The following ZNF438 variants were observed in gnomAD, a reference collection of about 807,000 sequenced individuals.
ZNF438 encodes the protein zinc finger protein 438.
ZNF438 carries 25 observed loss-of-function variants against 38.0 expected under a neutral mutation model. That is an observed-to-expected ratio of 0.66 (90% CI 0.48 to 0.92). The LOEUF is 0.92. Ranked by LOEUF, ZNF438 falls within the 40% of genes least tolerant of loss-of-function variation. ZNF438 has a pLI of 0.00. For synonymous variants in ZNF438, 372 were observed against 364.1 expected, an observed-to-expected ratio of 1.02 and a Z score of -0.25; for missense variants, 1,007 against 999.6, an observed-to-expected ratio of 1.01 and a Z score of -0.10.
At chr10:30,909,963 G>A (rs2042920131) in intron 2 of ZNF438, among the ~76,000 whole-genome samples, 1 of 152,176 alleles carries the variant, frequency 6.6e-6, no homozygotes, top group African/African-American at 2.4e-5. Context: ...CCAACGTAAA[G>A]GTCATGGCAG....
chr10:30,939,170 C>T (rs1181748901), intron 2 of ZNF438, among the ~76,000 whole-genome samples: 2 of 152,200 alleles, frequency 1.3e-5, no homozygotes, highest in African/African-American at 4.8e-5. Flanking sequence ...ATAAAGTAGA[C>T]ACTCATGTGC....
intron 4 of ZNF438, among the ~76,000 whole-genome samples, chr10:30,866,802 C>A (rs1050981304): frequency 6.6e-6 from 1 of 150,830 alleles, no homozygotes; most frequent in Non-Finnish European, 1.5e-5. Context: ...CCACTGCACT[C>A]CAGCCTGAGC....
At chr10:30,884,237 T>G (rs1035800844) in intron 3 of ZNF438, among the ~76,000 whole-genome samples, 1 of 152,170 alleles carries the variant, frequency 6.6e-6, no homozygotes, top group Non-Finnish European at 1.5e-5. Context: ...ACACAAAGCA[T>G]TGCTGCATTT....
intron 1 of ZNF438, among the ~76,000 whole-genome samples, chr10:30,945,555 C>A (rs563240860): frequency 4.6e-5 from 7 of 151,154 alleles, no homozygotes; most frequent in African/African-American, 1.7e-4. Flanking sequence ...CTCCCCTCTA[C>A]CCCCACCACA....
chr10:31,028,897 G>A (rs773721570), intron 1 of ZNF438, among the ~76,000 whole-genome samples: 2 of 152,182 alleles, frequency 1.3e-5, no homozygotes, highest in Admixed American at 6.5e-5. Flanking sequence ...CAGTCAGGTC[G>A]TAATCAAAGA....
chr10:30,849,000 A>G (rs2032977588), exon 5 of ZNF438: 2 of 1,614,114 alleles, frequency 1.2e-6, no homozygotes, highest in Middle Eastern at 1.6e-4. Context: ...TTATTTAACA[A>G]AACATCCTGT....
intron 1 of ZNF438, among the ~76,000 whole-genome samples, chr10:31,031,420 T>A (rs887180008): frequency 6.6e-6 from 1 of 152,214 alleles, no homozygotes; most frequent in Non-Finnish European, 1.5e-5. Flanking sequence ...GGCCAGGACA[T>A]AGGATTCCTA....
At chr10:30,933,006 C>T (rs2135339543) in intron 2 of ZNF438, among the ~76,000 whole-genome samples, 1 of 152,306 alleles carries the variant, frequency 6.6e-6, no homozygotes, top group African/African-American at 2.4e-5. Context: ...CTGCCAGCAC[C>T]TTGACTTTAG....
chr10:30,950,986 G>A (rs1467252054), intron 1 of ZNF438, among the ~76,000 whole-genome samples: 1 of 140,696 alleles, frequency 7.1e-6, no homozygotes, highest in African/African-American at 2.7e-5. Context: ...GAACATTGAT[G>A]CAAAAATCCT....
intron 1 of ZNF438, among the ~76,000 whole-genome samples, chr10:30,942,398 G>T (rs1165676781): frequency 6.6e-6 from 1 of 152,178 alleles, no homozygotes; most frequent in Non-Finnish European, 1.5e-5. Context: ...AATTCAAAAA[G>T]CAGTGAGATC....
At chr10:30,925,313 T>C (rs1429608193) in intron 2 of ZNF438, among the ~76,000 whole-genome samples, 2 of 152,146 alleles carry the variant, frequency 1.3e-5, no homozygotes, top group African/African-American at 4.8e-5. Context: ...TGCCCAGAAC[T>C]AATTTTAATT....
chr10:30,979,320 G>A (rs781390345), intron 1 of ZNF438, among the ~76,000 whole-genome samples: 9 of 152,122 alleles, frequency 5.9e-5, no homozygotes, highest in Non-Finnish European at 1.0e-4. Flanking sequence ...CCAATATCAC[G>A]GAAATGGCCA....
chr10:30,896,239 T>C (rs1175993491), intron 3 of ZNF438, among the ~76,000 whole-genome samples: 3 of 146,116 alleles, frequency 2.1e-5, no homozygotes, highest in African/African-American at 7.6e-5. Context: ...GAGCTTGCAG[T>C]GAGCCGAGAC....
intron 1 of ZNF438, among the ~76,000 whole-genome samples, chr10:30,954,626 AG>A (rs2048661678): frequency 6.6e-6 from 1 of 152,200 alleles, no homozygotes; most frequent in South Asian, 2.1e-4. Flanking sequence ...AAAAGCTCAT[AG>A]GAATATTATG....
chr10:30,904,912 G>T (rs1275468776), intron 3 of ZNF438, among the ~76,000 whole-genome samples: 1 of 152,078 alleles, frequency 6.6e-6, no homozygotes, highest in Non-Finnish European at 1.5e-5. Context: ...AATCTTAGTG[G>T]CCCCTGTATC....
chr10:30,861,589 G>C (rs975967438), intron 4 of ZNF438, among the ~76,000 whole-genome samples: 1 of 152,080 alleles, frequency 6.6e-6, no homozygotes, highest in East Asian at 1.9e-4. Flanking sequence ...TGTCCCAAGG[G>C]AAAAGTACAT....
chr10:30,970,800 C>T (rs903256787), intron 1 of ZNF438, among the ~76,000 whole-genome samples: 3 of 152,122 alleles, frequency 2.0e-5, no homozygotes, highest in Non-Finnish European at 4.4e-5. Context: ...ATAACTGTCC[C>T]CAAAATGGAC....
At chr10:30,930,716 C>T (rs182963837) in intron 2 of ZNF438, among the ~76,000 whole-genome samples, 1 of 142,502 alleles carries the variant, frequency 7.0e-6, no homozygotes. Flanking sequence ...CTGAGGCAGG[C>T]GAAAAGCTTG....
chr10:30,996,051 G>A (rs2054014503), intron 1 of ZNF438, among the ~76,000 whole-genome samples: 1 of 151,986 alleles, frequency 6.6e-6, no homozygotes, highest in African/African-American at 2.4e-5. Context: ...CTTATAAATC[G>A]GGATGTACAC....
Sources: gnomAD v4.1 joint callset for allele counts (sites outside exome capture counted in the v4.1 genomes callset) on GRCh38, gnomAD v4.1.1 for gene constraint, MANE v1.5 for transcripts, NCBI Gene and HGNC (gene_info 2026-07-23, HGNC 2026-07-21) for gene names.